The following SLC16A10 variants were observed in gnomAD, a reference collection of about 807,000 sequenced individuals.
The protein encoded by SLC16A10 is solute carrier family 16 member 10.
A neutral mutation model predicts 40.0 loss-of-function variants in SLC16A10; 27 were observed. The ratio of observed to expected loss-of-function variants is 0.67; its 90% CI spans 0.50 to 0.93. The LOEUF is 0.93. SLC16A10 is among the 40% of genes least tolerant of loss of function. The pLI is 0.00. For synonymous variants in SLC16A10, 213 were observed against 249.8 expected, an observed-to-expected ratio of 0.85 and a Z score of 1.39; for missense variants, 529 against 658.2, an observed-to-expected ratio of 0.80 and a Z score of 2.15.
At chr6:111,196,357 T>A (rs1428349732) in intron 3 of SLC16A10, among the ~76,000 whole-genome samples, 1 of 151,734 alleles carries the variant, frequency 6.6e-6, no homozygotes, top group Non-Finnish European at 1.5e-5. Context: ...AAAATAAAAA[T>A]AAATAAAAAT....
At chr6:111,116,044 G>T (rs1435616006) in intron 1 of SLC16A10, among the ~76,000 whole-genome samples, 1 of 152,002 alleles carries the variant, frequency 6.6e-6, no homozygotes, top group Non-Finnish European at 1.5e-5. Flanking sequence ...CTTACTGTTA[G>T]AGTAAAATAA....
At chr6:111,138,935 A>G (rs927269042) in intron 1 of SLC16A10, among the ~76,000 whole-genome samples, 1 of 152,210 alleles carries the variant, frequency 6.6e-6, no homozygotes, top group African/African-American at 2.4e-5. Flanking sequence ...CAAAAGCTGA[A>G]TTCATAAGTA....
At chr6:111,201,207 A>G (rs922607343) in intron 3 of SLC16A10, among the ~76,000 whole-genome samples, 4 of 152,224 alleles carry the variant, frequency 2.6e-5, no homozygotes, top group African/African-American at 9.6e-5. Context: ...AATCAAAATC[A>G]TTATAAACGA....
chr6:111,226,438 C>T lies in SLC16A10; in HGVS notation c.*4203C>T, dbSNP rs1233315889. The T allele has an allele frequency of 2.6e-5, 4 of 152,196 alleles. No homozygotes were observed. The highest frequency in any genetic ancestry group is 3.4e-3 in the Middle Eastern group (1 of 294). The allele number at this position is 152,196 out of a possible 1,614,324, so 9.4% of individuals were successfully genotyped here. On this transcript the variant is annotated 3_prime_UTR_variant, in exon 6 of 6. Transcript: ENST00000368851. ...AGAGATACAAGTAGAAATGCATAAG[C>T]TAATTAGCTCCAATTTTATAATATG...
chr6:111,110,786 A>C (rs899643710), intron 1 of SLC16A10, among the ~76,000 whole-genome samples: 3 of 152,228 alleles, frequency 2.0e-5, no homozygotes, highest in Non-Finnish European at 4.4e-5. Context: ...GGTGAACTAT[A>C]CAATTGATGT....
intron 1 of SLC16A10, among the ~76,000 whole-genome samples, chr6:111,111,563 A>G (rs778964188): frequency 6.6e-6 from 1 of 152,268 alleles, no homozygotes; most frequent in Non-Finnish European, 1.5e-5. Flanking sequence ...TCTACAAAAA[A>G]TAATAAAAAA....
In SLC16A10 at chr6:111,222,177, A is replaced by G; in HGVS notation, c.1490A>G (p.Asn497Ser). ...ATGGAGAAAATGTTGGAAAACCAGA[A>G]CTCTCTGCTGTCAAGTTCATCTGGA... Reference protein sequence around the residue: ...EKMEKMLENQNSLLSSSSGMF... With the variant: ...EKMEKMLENQSSLLSSSSGMF... Residue 497 changes from asparagine to serine, a missense_variant, in exon 6 of 6, where the codon AAC becomes AGC. Asn to Ser is a conservative substitution (Grantham distance 46). Coordinates refer to ENST00000368851, the MANE Select transcript of SLC16A10 (RefSeq NM_018593.5). 6.2e-7 allele frequency: 1 copy of G among 1,607,348 alleles called. No individual in the cohort carries two copies. Among genetic ancestry groups the G allele is most frequent in the Non-Finnish European group, 8.5e-7 (1 of 1,178,098 alleles).
chr6:111,092,406 G>C (rs901560210), intron 1 of SLC16A10, among the ~76,000 whole-genome samples: 1 of 138,558 alleles, frequency 7.2e-6, no homozygotes, highest in Non-Finnish European at 1.5e-5. Context: ...TGCAACCACT[G>C]CCTCCCGGAT....
intron 3 of SLC16A10, among the ~76,000 whole-genome samples, chr6:111,193,091 C>T (rs79742357): frequency 2.9e-3 from 444 of 152,252 alleles, no homozygotes; most frequent in African/African-American, 9.9e-3. Flanking sequence ...GGGCATGAGC[C>T]ATCCTCCCAC....
intron 3 of SLC16A10, among the ~76,000 whole-genome samples, chr6:111,193,540 T>C (rs981607436): frequency 6.6e-6 from 1 of 152,188 alleles, no homozygotes; most frequent in Non-Finnish European, 1.5e-5. Flanking sequence ...GAAGAGGTAA[T>C]AATACAGAAG....
chr6:111,169,919 C>CTTT (rs60561269), intron 1 of SLC16A10, among the ~76,000 whole-genome samples: 66,448 of 134,884 alleles, frequency 0.49, 17,473 homozygotes, highest in East Asian at 0.66. Context: ...TCTTTTCTTT[C>CTTT]TTTTTTTTTT....
At chr6:111,113,538 C>A (rs548428831) in intron 1 of SLC16A10, among the ~76,000 whole-genome samples, 3 of 152,074 alleles carry the variant, frequency 2.0e-5, no homozygotes, top group African/African-American at 4.8e-5. Flanking sequence ...TTTGAGGAAC[C>A]AGTAATAGAA....
rs569000669 is a variant in SLC16A10 at position 111,202,818 on chromosome 6, C to T, written c.943-3774C>T. ...AGGGGAATTGCTTGAATCCGGGAGG[C>T]GGAGGTTGCAGTGAGCTGAGATCAT... On this transcript the variant is annotated intron_variant, in intron 3 of 5. Transcript: ENST00000368851. Among the ~76,000 whole-genome samples the T allele has an allele frequency of 4.5e-4, 60 of 133,702 alleles. No individual in the cohort carries two copies. In the South Asian group the frequency reaches 9.8e-3, roughly 22 times the overall value. 87.7% of individuals were successfully genotyped at this position (133,702 alleles called of 152,430 possible). A position where few individuals can be genotyped will look rare whatever the true frequency, so the allele number is the denominator to read the frequency against.
chr6:111,143,678 G>A (rs1171796726), intron 1 of SLC16A10, among the ~76,000 whole-genome samples: 1 of 152,194 alleles, frequency 6.6e-6, no homozygotes, highest in Admixed American at 6.5e-5. Context: ...AAGATGAATT[G>A]TCAGGGAGTT....
Position 111,190,433 on chromosome 6 carries a change from T to A in SLC16A10, c.942+12768T>A, listed in dbSNP as rs143474039. 3.0e-3 allele frequency among the ~76,000 whole-genome samples: 460 copies of A among 152,314 alleles called. 5 individuals carry two copies. Among genetic ancestry groups the A allele is most frequent in the African/African-American group, 0.011 (447 of 41,574 alleles). ...TCTGGGGTCTGGAGGACGGTAGCCCTCTTCTCATAGCTCCACTAGGCAGTG... is the reference window on the plus strand; with the variant it reads ...TCTGGGGTCTGGAGGACGGTAGCCCACTTCTCATAGCTCCACTAGGCAGTG... On this transcript the variant is annotated intron_variant, in intron 3 of 5. Transcript: ENST00000368851.
intron 1 of SLC16A10, among the ~76,000 whole-genome samples, chr6:111,094,525 C>G (rs1033400124): frequency 6.6e-6 from 1 of 152,174 alleles, no homozygotes; most frequent in Admixed American, 6.5e-5. Context: ...TATTTCTCTT[C>G]CTTCCTTACC....
At position 111,195,370 on chromosome 6, in the gene SLC16A10, G is replaced by T. The variant is rs182301453; in HGVS notation, c.943-11222G>T. On this transcript the variant is annotated intron_variant, in intron 3 of 5. Coordinates refer to ENST00000368851, the MANE Select transcript of SLC16A10 (RefSeq NM_018593.5). ...TGAAAGTTGTATGGTGGTTTCCAAG[G>T]GGAGGGGGAAATGAGGAGTTATTTA... 1.1e-4 allele frequency among the ~76,000 whole-genome samples: 16 copies of T among 152,228 alleles called. No homozygotes were observed. The East Asian group carries it at 3.1e-3, about 29-fold the overall frequency.
intron 1 of SLC16A10, among the ~76,000 whole-genome samples, chr6:111,155,981 A>G (rs1395593513): frequency 2.6e-5 from 4 of 152,196 alleles, no homozygotes; most frequent in Non-Finnish European, 5.9e-5. Flanking sequence ...AGCATCTTAT[A>G]TATCAGAAAG....
At chr6:111,109,158 AACC>A (rs1263293841) in intron 1 of SLC16A10, among the ~76,000 whole-genome samples, 1 of 152,216 alleles carries the variant, frequency 6.6e-6, no homozygotes, top group Non-Finnish European at 1.5e-5. Flanking sequence ...ACAATCATGT[AACC>A]ACCATCACAA....
Sources: gnomAD v4.1 joint callset for allele counts (sites outside exome capture counted in the v4.1 genomes callset) on GRCh38, gnomAD v4.1.1 for gene constraint, MANE v1.5 for transcripts, NCBI Gene and HGNC (gene_info 2026-07-23, HGNC 2026-07-21) for gene names.